The following CCDC152 variants were observed in gnomAD, a reference collection of about 807,000 sequenced individuals.
CCDC152 encodes the protein coiled-coil domain-containing protein 152.
In CCDC152, 37 loss-of-function variants were observed where a neutral mutation model predicts 38.1. That is an observed-to-expected ratio of 0.97 (90% CI 0.75 to 1.28). The LOEUF (loss-of-function observed/expected upper bound fraction) is 1.28. Among genes scored for constraint, CCDC152 ranks in the 50% most tolerant of loss-of-function variants. CCDC152 has a pLI of 0.00. For missense variants in CCDC152, 259 were observed against 292.1 expected, an observed-to-expected ratio of 0.89 and a Z score of 0.83; for synonymous variants, 83 against 87.1, an observed-to-expected ratio of 0.95 and a Z score of 0.26.
chr5:42,793,739 G>T (rs935063528), intron 6 of CCDC152, among the ~76,000 whole-genome samples: 2 of 152,116 alleles, frequency 1.3e-5, no homozygotes, highest in Non-Finnish European at 2.9e-5. Context: ...TTCCTGAGTA[G>T]CTGGGCCCAC....
intron 4 of CCDC152, among the ~76,000 whole-genome samples, chr5:42,777,403 AGGGAGCTAAGATCGC>A (rs1250182014): frequency 6.6e-6 from 1 of 151,826 alleles, no homozygotes; most frequent in African/African-American, 2.4e-5. Flanking sequence ...GGGAGGTTGC[AGGGAGCTAAGATCGC>A]GCCATCGCAC....
chr5:42,771,080 A>C (rs1419331320), intron 4 of CCDC152, among the ~76,000 whole-genome samples: 2 of 152,154 alleles, frequency 1.3e-5, no homozygotes, highest in African/African-American at 2.4e-5. Context: ...TCTGATTTGG[A>C]TGCCCTTTAT....
rs1184485691 is a variant in CCDC152, at chr5:42,759,183, T to C, written c.62T>C (p.Ile21Thr). 6.5e-7 allele frequency: 1 copy of C among 1,549,654 alleles called. No individual in the cohort carries two copies. Among genetic ancestry groups the C allele is most frequent in the South Asian group, 1.2e-5 (1 of 83,932 alleles). ...AGCAGTGTGAATCTTGACAAACTTA[T>C]AAATGACTTCTCACAGATAGAAAAG... is the stretch of plus-strand genomic sequence containing the variant. ...KISSVNLDKLINDFSQIEKKM... is the reference protein window; with the variant it reads ...KISSVNLDKLTNDFSQIEKKM... Residue 21 changes from isoleucine (I) to threonine (T), a missense_variant, in exon 2 of 9, where the codon ATA becomes ACA. Coordinates refer to ENST00000361970, the MANE Select transcript of CCDC152 (RefSeq NM_001134848.2).
At position 42,778,096 on chromosome 5, in the gene CCDC152, T is replaced by A. The variant is rs1579713619; in HGVS notation, c.263-1362T>A. ...ATAGTTAAGGTTGTAGAGGGGAAAT[T>A]GTAATAGGATGTCTATTGAGGCTTT... On this transcript the variant is annotated intron_variant, in intron 4 of 8. Coordinates refer to ENST00000361970, the MANE Select transcript of CCDC152 (RefSeq NM_001134848.2). Among the ~76,000 whole-genome samples the A allele has an allele frequency of 2.0e-5, 3 of 152,210 alleles. No individual in the cohort carries two copies. In the East Asian group the frequency reaches 5.8e-4, roughly 29 times the overall value.
chr5:42,779,322 T>G (rs888527473), intron 4 of CCDC152, 136 bp from the exon 5 acceptor site: 3 of 630,786 alleles, frequency 4.8e-6, no homozygotes, highest in Non-Finnish European at 8.7e-6. Context: ...GTGTCTAGCA[T>G]GGTGCCTGAA....
Position 42,801,375 on chromosome 5 carries a change from T to C in CCDC152, c.*1594T>C, listed in dbSNP as rs759541323. The C allele has an allele frequency of 5.4e-5, 75 of 1,381,276 alleles. No homozygotes were observed. The highest frequency in any genetic ancestry group is 7.2e-5 in the Non-Finnish European group (73 of 1,010,624). 85.6% of individuals were successfully genotyped at this position (1,381,276 alleles called of 1,614,324 possible). The stretch of plus-strand genomic sequence containing the variant: ...TCACTTTTTAACAAGCTTATAGAGA[T>C]AGGAATAATGCGTGAAAAATGATTT... On this transcript the variant is annotated 3_prime_UTR_variant, in exon 9 of 9. Transcript: ENST00000361970.
At chr5:42,768,933 T>A (rs947094338) in intron 3 of CCDC152, among the ~76,000 whole-genome samples, 32 of 152,140 alleles carry the variant, frequency 2.1e-4, no homozygotes, top group African/African-American at 7.2e-4. Context: ...TTGAAATTCA[T>A]TTGGCTTAAT....
intron 5 of CCDC152, among the ~76,000 whole-genome samples, chr5:42,780,219 C>T (rs1759826445): frequency 6.6e-6 from 1 of 152,152 alleles, no homozygotes; most frequent in African/African-American, 2.4e-5. Context: ...GAGCTTTCAA[C>T]TTGAAGAATC....
intron 2 of CCDC152, among the ~76,000 whole-genome samples, chr5:42,760,442 T>C (rs1344548781): frequency 3.3e-5 from 5 of 152,220 alleles, no homozygotes; most frequent in Admixed American, 3.3e-4. Context: ...ATCTCTTCCA[T>C]TTTCCTTCTT....
intron 5 of CCDC152, among the ~76,000 whole-genome samples, chr5:42,781,582 T>TAC (rs1216804545): frequency 7.0e-6 from 1 of 142,526 alleles, no homozygotes; most frequent in Non-Finnish European, 1.5e-5. Flanking sequence ...CACACACACA[T>TAC]ACACACACAC....
In CCDC152 at chr5:42,799,876, G is replaced by A. The variant is rs1579726625; in HGVS notation, c.*95G>A. ...TATGCATACAGCCTACATAACAAAC[G>A]AAGTCAGCTTTAAGGTTTTTATTGA... On this transcript the variant is annotated 3_prime_UTR_variant, in exon 9 of 9. Coordinates refer to ENST00000361970, the MANE Select transcript of CCDC152 (RefSeq NM_001134848.2). 6.8e-6 allele frequency: 9 copies of A among 1,327,766 alleles called. No individual in the cohort carries two copies. The East Asian group carries it at 1.3e-4, about 19-fold the overall frequency. 82.2% of individuals were successfully genotyped at this position (1,327,766 alleles called of 1,614,324 possible).
intron 7 of CCDC152, among the ~76,000 whole-genome samples, chr5:42,798,253 A>G (rs1760104906): frequency 6.6e-6 from 1 of 152,168 alleles, no homozygotes; most frequent in Admixed American, 6.5e-5. Context: ...GACTCTATCA[A>G]TCTACCCTTC....
At chr5:42,779,758 CT>C (rs1297781733) in intron 5 of CCDC152, among the ~76,000 whole-genome samples, 1 of 151,220 alleles carries the variant, frequency 6.6e-6, no homozygotes, top group East Asian at 1.9e-4. Context: ...TAACAAATAA[CT>C]TGCATTACTT....
At chr5:42,799,586 CTTT>C in intron 8 of CCDC152, 70 bp from the exon 9 acceptor site, 1 of 1,271,912 alleles carries the variant, frequency 7.9e-7, no homozygotes, top group Non-Finnish European at 1.1e-6. Flanking sequence ...AAGTGCATTT[CTTT>C]GTTATTTTGT....
At chr5:42,767,946 A>T (rs886594321) in intron 3 of CCDC152, among the ~76,000 whole-genome samples, 1 of 152,208 alleles carries the variant, frequency 6.6e-6, no homozygotes, top group Non-Finnish European at 1.5e-5. Flanking sequence ...AATGTAATTT[A>T]ACCGTTATTC....
rs922525230 is a variant in CCDC152 at position 42,762,624 on chromosome 5, C to T, written c.193+76C>T. ...AGTTCAACAGTGATTAATATTACAC[C>T]ATATATTTGTAAAGTGTTTTAAGTC... On this transcript the variant is annotated intron_variant, in intron 3 of 8. Transcript: ENST00000361970. 11 of 774,100 alleles carry T rather than the reference C, an allele frequency of 1.4e-5. No individual in the cohort carries two copies. In the Admixed American group the frequency reaches 1.8e-4, roughly 12 times the overall value. The allele number at this position is 774,100 out of a possible 1,614,324, so 48.0% of individuals were successfully genotyped here. A position where few individuals can be genotyped will look rare whatever the true frequency, so the allele number is the denominator to read the frequency against.
chr5:42,792,924 T>C (rs1760024303), intron 6 of CCDC152, among the ~76,000 whole-genome samples: 1 of 152,128 alleles, frequency 6.6e-6, no homozygotes, highest in African/African-American at 2.4e-5. Flanking sequence ...TAACACACCA[T>C]CTGACCCAGC....
chr5:42,797,545 G>A (rs1760091199), intron 7 of CCDC152, among the ~76,000 whole-genome samples: 1 of 151,852 alleles, frequency 6.6e-6, no homozygotes, highest in Non-Finnish European at 1.5e-5. Context: ...TTCCCTGACA[G>A]AAAACTCAAG....
At chr5:42,762,377 T>C (rs993169714) in intron 2 of CCDC152, 66 bp from the exon 3 acceptor site, 3 of 820,428 alleles carry the variant, frequency 3.7e-6, no homozygotes, top group Non-Finnish European at 5.9e-6. Context: ...AGTCTGCATA[T>C]ACTTAATAAA....
Sources: allele counts gnomAD v4.1 joint callset (sites outside exome capture counted in the v4.1 genomes callset), GRCh38; gene constraint gnomAD v4.1.1; transcripts MANE v1.5; gene names NCBI Gene and HGNC (gene_info 2026-07-23, HGNC 2026-07-21).